The following BMPR2 variants were observed in gnomAD, a reference collection of about 807,000 sequenced individuals.
BMPR2 encodes the protein bone morphogenetic protein receptor type 2.
BMPR2 carries 29 observed loss-of-function variants against 100.8 expected under a neutral mutation model. The observed-to-expected ratio is 0.29, with a 90% CI of 0.21 to 0.39. BMPR2 has a LOEUF of 0.39. Ranked by LOEUF, BMPR2 falls within the 10% of genes least tolerant of loss-of-function variation. The pLI is 1.00. For synonymous variants in BMPR2, 382 were observed against 442.3 expected (o/e 0.86, Z 1.71); for missense variants, 1,011 against 1,274.5 (o/e 0.79, Z 3.15).
At chr2:202,544,905 C>G (rs1208374865) in intron 10 of BMPR2, among the ~76,000 whole-genome samples, 4 of 151,204 alleles carry the variant, frequency 2.6e-5, no homozygotes, top group African/African-American at 9.7e-5. Context: ...GCTGAGACTT[C>G]AGGTGCATAC....
Position 202,513,845 on chromosome 2 carries a change from T to C in BMPR2, c.529+16T>C. On this transcript the variant is annotated intron_variant, in intron 4 of 12. Coordinates refer to ENST00000374580, the MANE Select transcript of BMPR2 (RefSeq NM_001204.7). ...ATGTTGACAGGTAAAAATTACCATT[T>C]TTTGTCCTATTGTTTATTAAACATG... The C allele has an allele frequency of 6.5e-7, 1 of 1,550,354 alleles. No homozygotes were observed. Among genetic ancestry groups the C allele is most frequent in the Non-Finnish European group, 8.9e-7 (1 of 1,123,434 alleles).
intron 1 of BMPR2, among the ~76,000 whole-genome samples, chr2:202,430,386 T>G (rs1691479718): frequency 6.6e-6 from 1 of 152,224 alleles, no homozygotes; most frequent in East Asian, 1.9e-4. Context: ...GATTACACAT[T>G]TCTTGAGAGT....
intron 9 of BMPR2, among the ~76,000 whole-genome samples, chr2:202,538,225 G>A (rs908203715): frequency 2.0e-5 from 3 of 150,966 alleles, no homozygotes; most frequent in Non-Finnish European, 4.4e-5. Flanking sequence ...AGGCTGAGGT[G>A]GGTGGATCAT....
intron 10 of BMPR2, among the ~76,000 whole-genome samples, chr2:202,544,979 C>T (rs1180852075): frequency 6.6e-6 from 1 of 151,532 alleles, no homozygotes; most frequent in East Asian, 1.9e-4. Flanking sequence ...CCAGGCTGGT[C>T]TCAAACTCCT....
intron 1 of BMPR2, among the ~76,000 whole-genome samples, chr2:202,391,733 A>G (rs1559023484): frequency 7.0e-6 from 1 of 143,214 alleles, no homozygotes; most frequent in Non-Finnish European, 1.5e-5. Flanking sequence ...TTATAGATGC[A>G]TGCCACCATG....
chr2:202,478,883 A>G (rs966797158), intron 3 of BMPR2, among the ~76,000 whole-genome samples: 2 of 152,092 alleles, frequency 1.3e-5, no homozygotes, highest in African/African-American at 2.4e-5. Flanking sequence ...CCATGATTAC[A>G]CCACTGCACT....
intron 1 of BMPR2, among the ~76,000 whole-genome samples, chr2:202,393,143 T>TA (rs368839963): frequency 6.6e-6 from 1 of 152,224 alleles, no homozygotes; most frequent in African/African-American, 2.4e-5. Context: ...TGTATGGAAA[T>TA]ACATAGCATA....
At chr2:202,422,281 C>G (rs1691279286) in intron 1 of BMPR2, among the ~76,000 whole-genome samples, 1 of 151,890 alleles carries the variant, frequency 6.6e-6, no homozygotes, top group East Asian at 1.9e-4. Context: ...TGTCTTGTAG[C>G]TGATTCAAAG....
In BMPR2 at chr2:202,408,440, T is replaced by G. The variant is rs1300503863; in HGVS notation, c.76+30890T>G. ...TTGACAAATTTTTGCTGTTAGCTTT[T>G]CATTATCACCAGATCTTGACTGTAC... On this transcript the variant is annotated intron_variant, in intron 1 of 12. Transcript: ENST00000374580. Among the ~76,000 whole-genome samples the G allele has an allele frequency of 6.6e-5, 10 of 152,342 alleles. No homozygotes were observed. In the South Asian group the frequency reaches 2.1e-3, roughly 32 times the overall value.
At chr2:202,478,064 G>A (rs1157233849) in intron 3 of BMPR2, among the ~76,000 whole-genome samples, 2 of 152,168 alleles carry the variant, frequency 1.3e-5, no homozygotes, top group Admixed American at 6.5e-5. Flanking sequence ...CACGTTCCTA[G>A]CTTAGGTTGA....
Position 202,532,747 on chromosome 2 carries a change from CA to C in BMPR2, c.1276+19del. On this transcript the variant is annotated intron_variant, in intron 9 of 12. Transcript: ENST00000374580. This position sits in a 1 kb window ranked among gnomAD's most constrained non-coding sequence, Gnocchi z 4.1. The stretch of plus-strand genomic sequence containing the variant: ...CCTCTTCCCAGGTAAAAACTACTGT[CA>C]AAAGTTGATATTTTTTGAAGTGAAG... The C allele has an allele frequency of 6.2e-7, 1 of 1,609,382 alleles. No homozygotes were observed. The highest frequency in any genetic ancestry group is 8.5e-7 in the Non-Finnish European group (1 of 1,179,266).
chr2:202,441,337 A>C lies in BMPR2; in HGVS notation c.77-23472A>C, dbSNP rs931499019. Among the ~76,000 whole-genome samples the C allele has an allele frequency of 4.0e-5, 6 of 150,434 alleles. 1 individual carries two copies. Among genetic ancestry groups the C allele is most frequent in the African/African-American group, 1.5e-4 (6 of 39,804 alleles). On this transcript the variant is annotated intron_variant, in intron 1 of 12. Coordinates refer to ENST00000374580, the MANE Select transcript of BMPR2 (RefSeq NM_001204.7). The stretch of plus-strand genomic sequence containing the variant: ...TACTTTGAAGGGAAAGCAGGGATCA[A>C]CGTAAGAGTGCAATAAATATCTTTT...
intron 1 of BMPR2, among the ~76,000 whole-genome samples, chr2:202,452,325 C>A (rs1237961320): frequency 6.6e-6 from 1 of 152,084 alleles, no homozygotes; most frequent in East Asian, 1.9e-4. Flanking sequence ...ATAATCTATT[C>A]CTTTTATTGC....
chr2:202,459,734 G>A (rs1034558519), intron 1 of BMPR2, among the ~76,000 whole-genome samples: 5 of 152,070 alleles, frequency 3.3e-5, no homozygotes, highest in African/African-American at 7.2e-5. Context: ...TGCAACAAAA[G>A]CAAAAGCAAA....
At chr2:202,448,446 CA>C (rs1178310357) in intron 1 of BMPR2, among the ~76,000 whole-genome samples, 10 of 119,266 alleles carry the variant, frequency 8.4e-5, no homozygotes, top group Non-Finnish European at 1.1e-4. Context: ...GACTCCGTCT[CA>C]AAAAAAAAAT....
At position 202,503,460 on chromosome 2, in the gene BMPR2, C is replaced by T. The variant is rs183438515; in HGVS notation, c.419-10259C>T. Reference sequence around the variant, plus strand: ...GAGTTCCGGTTGGGCATGGGCTTGGCGGGCCCCGCACTCGGAGCAGCCAGC... The same window carrying T: ...GAGTTCCGGTTGGGCATGGGCTTGGTGGGCCCCGCACTCGGAGCAGCCAGC... On this transcript the variant is annotated intron_variant, in intron 3 of 12. Transcript: ENST00000374580. This position sits in a 1 kb window ranked among gnomAD's most constrained non-coding sequence, Gnocchi z 4.0. Among the ~76,000 whole-genome samples, 141 of 152,348 alleles carry T rather than the reference C, an allele frequency of 9.3e-4. No homozygotes were observed. The highest frequency in any genetic ancestry group is 4.6e-3 in the East Asian group (24 of 5,186).
intron 7 of BMPR2, among the ~76,000 whole-genome samples, chr2:202,524,931 C>G (rs1687881755): frequency 6.6e-6 from 1 of 151,274 alleles, no homozygotes; most frequent in Admixed American, 6.6e-5. Context: ...ATCCCAGGTG[C>G]TTGGGAGGCT....
rs75968390 is a variant in BMPR2, at chr2:202,487,473, T to C, written c.418+19784T>C. On this transcript the variant is annotated intron_variant, in intron 3 of 12. Coordinates refer to ENST00000374580, the MANE Select transcript of BMPR2 (RefSeq NM_001204.7). ...AATAATGATCAGATTTCCATGAAAC[T>C]TGAATTACAGTTAAAAAATCAATAA... 4.7e-3 allele frequency among the ~76,000 whole-genome samples: 712 copies of C among 152,332 alleles called. 1 individual carries two copies. The highest frequency in any genetic ancestry group is 8.4e-3 in the Non-Finnish European group (569 of 68,034).
At chr2:202,516,248 GT>G (rs1687708880) in intron 5 of BMPR2, among the ~76,000 whole-genome samples, 1 of 152,128 alleles carries the variant, frequency 6.6e-6, no homozygotes, top group Non-Finnish European at 1.5e-5. Context: ...AGAACTTTCT[GT>G]TTTGGGAGAG....
Sources: allele counts gnomAD v4.1 joint callset (sites outside exome capture counted in the v4.1 genomes callset), GRCh38; gene constraint gnomAD v4.1.1; non-coding constraint Gnocchi (gnomAD v3.1); transcripts MANE v1.5; gene names NCBI Gene and HGNC (gene_info 2026-07-23, HGNC 2026-07-21).